The following KIF24 variants were observed in gnomAD, a reference collection of about 807,000 sequenced individuals.
The protein encoded by KIF24 is kinesin family member 24, also known as kinesin-like protein KIF24.
Under a neutral mutation model 118.9 loss-of-function variants are expected in KIF24, and 81 were observed. The ratio of observed to expected loss-of-function variants is 0.68; its 90% CI spans 0.57 to 0.82. The LOEUF (loss-of-function observed/expected upper bound fraction) is 0.82, where lower values mean the gene tolerates loss of function less well. Among genes scored for constraint, KIF24 ranks in the 40% least tolerant of loss-of-function variants. The pLI, the probability that KIF24 is intolerant of heterozygous loss-of-function variation, is 0.00. For missense variants in KIF24, 1,560 were observed against 1,661.6 expected (o/e 0.94, Z 1.06); for synonymous variants, 599 against 610.0 (o/e 0.98, Z 0.27).
At chr9:34,328,329 A>C (rs563241821) in intron 1 of KIF24, among the ~76,000 whole-genome samples, 4 of 152,370 alleles carry the variant, frequency 2.6e-5, no homozygotes, top group South Asian at 4.1e-4. Context: ...AAGAAGCTAA[A>C]GGGAGATAAA....
chr9:34,262,712 A>ATATATATATATATATATG (rs1278590736), intron 9 of KIF24, among the ~76,000 whole-genome samples: 9 of 50,260 alleles, frequency 1.8e-4, no homozygotes, highest in African/African-American at 6.2e-4. Context: ...ATATATATAT[A>ATATATATATATATATATG]TGGCCAGGCA....
At chr9:34,288,848 C>CCACA (rs10537521) in intron 5 of KIF24, among the ~76,000 whole-genome samples, 1,565 of 138,948 alleles carry the variant, frequency 0.011, 16 homozygotes, top group Middle Eastern at 0.018. Context: ...CCCAAATAAA[C>CCACA]CACACACACA....
Position 34,325,359 on chromosome 9 carries a change from A to AAG in KIF24, c.-26+3746_-26+3747insCT, listed in dbSNP as rs1554668007. Among the ~76,000 whole-genome samples, 1,456 of 148,296 alleles carry AAG rather than the reference A, an allele frequency of 9.8e-3. 21 individuals carry two copies. Among genetic ancestry groups the AAG allele is most frequent in the African/African-American group, 0.034 (1,367 of 40,312 alleles). On this transcript the variant is annotated intron_variant, in intron 1 of 12. Transcript: ENST00000402558. ...GACTTCGTCTCAAAAAAAAAAAAAA[A>AAG]GCAATATGTCTTATTAGTCTTTTTA...
At chr9:34,333,078 C>G (rs540165660), upstream of KIF24, among the ~76,000 whole-genome samples, 3 of 152,258 alleles carry the variant, frequency 2.0e-5, no homozygotes, top group East Asian at 3.9e-4. Flanking sequence ...GGCAAATTTT[C>G]TGGACACTAG....
intron 1 of KIF24, among the ~76,000 whole-genome samples, chr9:34,324,950 C>A (rs1017393288): frequency 6.6e-6 from 1 of 152,066 alleles, no homozygotes; most frequent in African/African-American, 2.4e-5. Context: ...TTGCATATCT[C>A]TATTATTACA....
chr9:34,301,496 C>T (rs1836703797), intron 3 of KIF24, among the ~76,000 whole-genome samples: 1 of 152,120 alleles, frequency 6.6e-6, no homozygotes, highest in African/African-American at 2.4e-5. Context: ...GTGATCTGTC[C>T]ACCTCGGACT....
chr9:34,269,422 T>TTTATTA (rs1300456599), intron 7 of KIF24, 60 bp from the exon 8 acceptor site: 8 of 821,214 alleles, frequency 9.7e-6, no homozygotes, highest in Non-Finnish European at 1.3e-5. Context: ...TTATTTTATT[T>TTTATTA]TTATTATTAT....
At chr9:34,325,344 C>CA (rs35972295) in intron 1 of KIF24, among the ~76,000 whole-genome samples, 85,292 of 118,038 alleles carry the variant, frequency 0.72, 30,431 homozygotes, top group East Asian at 0.93. Flanking sequence ...GACTTCGTCT[C>CA]AAAAAAAAAA....
Position 34,255,139 on chromosome 9 carries a change from TC to T in KIF24, c.3898del (p.Glu1300AsnfsTer16), listed in dbSNP as rs1400087525. The T allele has an allele frequency of 2.5e-6, 4 of 1,590,778 alleles. No individual in the cohort carries two copies. The African/African-American group carries it at 5.4e-5, about 21-fold the overall frequency. Reference sequence around the variant, plus strand: ...GAGCTCAGCCATTTCATCCAGCTGTTCCTGGTGTGCTCGGATGACCACCTGC... The same window carrying T: ...GAGCTCAGCCATTTCATCCAGCTGTTCTGGTGTGCTCGGATGACCACCTGC... Reference protein sequence around the residue: ...AQQVVIRAHQEQLDEMAELGF... With the variant: ...AQQVVIRAHQXQLDEMAELGF... On this transcript the variant is annotated frameshift_variant, in exon 12 of 13. Transcript: ENST00000402558. LOFTEE classifies it high-confidence loss of function.
chr9:34,255,217 T>C (rs1421119822), intron 11 of KIF24, 52 bp from the exon 12 acceptor site: 2 of 1,144,564 alleles, frequency 1.7e-6, no homozygotes, highest in Admixed American at 4.1e-5. Context: ...CAGCCTCTCC[T>C]GGGTAGCTTT....
intron 11 of KIF24, among the ~76,000 whole-genome samples, chr9:34,255,369 T>C (rs1015825556): frequency 6.6e-6 from 1 of 152,042 alleles, no homozygotes; most frequent in African/African-American, 2.4e-5. Context: ...ACCAACGAGA[T>C]ACAGGGAGGG....
intron 7 of KIF24, among the ~76,000 whole-genome samples, chr9:34,271,396 C>G (rs1430317677): frequency 6.6e-6 from 1 of 150,942 alleles, no homozygotes; most frequent in Non-Finnish European, 1.5e-5. Flanking sequence ...GCTCATCCAT[C>G]AGTGTGGCAG....
chr9:34,279,312 T>C (rs962727452), intron 6 of KIF24, among the ~76,000 whole-genome samples: 10 of 152,202 alleles, frequency 6.6e-5, no homozygotes, highest in African/African-American at 2.4e-4. Flanking sequence ...TAAGGATACA[T>C]GGCACTGTAA....
intron 4 of KIF24, among the ~76,000 whole-genome samples, chr9:34,295,976 T>C (rs1309219313): frequency 6.7e-6 from 1 of 149,346 alleles, no homozygotes; most frequent in Non-Finnish European, 1.5e-5. Context: ...TCCCAGCACT[T>C]TGGGAGGCCG....
intron 6 of KIF24, among the ~76,000 whole-genome samples, chr9:34,275,970 C>T (rs1445289812): frequency 6.6e-6 from 1 of 152,196 alleles, no homozygotes; most frequent in Non-Finnish European, 1.5e-5. Flanking sequence ...GGAACAAACT[C>T]AGGTTGATTT....
upstream of KIF24, among the ~76,000 whole-genome samples, chr9:34,333,048 C>G (rs1042109952): frequency 6.6e-6 from 1 of 152,110 alleles, no homozygotes; most frequent in Admixed American, 6.5e-5. Flanking sequence ...GGCTTTCCTC[C>G]TCATCTGGAG....
chr9:34,330,129 T>C (rs1306077850), upstream of KIF24, among the ~76,000 whole-genome samples: 2 of 152,070 alleles, frequency 1.3e-5, no homozygotes, highest in East Asian at 1.9e-4. Context: ...GCAGGCCGGG[T>C]GCGGTGGCTC....
At chr9:34,271,692 G>A (rs898377632) in intron 7 of KIF24, 117 bp downstream of exon 7, 6 of 1,047,966 alleles carry the variant, frequency 5.7e-6, no homozygotes, top group Admixed American at 2.5e-5. Context: ...ACTCTACTCT[G>A]TATCCCTGCA....
intron 8 of KIF24, among the ~76,000 whole-genome samples, chr9:34,267,781 T>C (rs1238458667): frequency 2.6e-5 from 4 of 152,220 alleles, no homozygotes; most frequent in Non-Finnish European, 4.4e-5. Flanking sequence ...AAGTGCTCAA[T>C]TGCCACATGT....
Sources: allele counts gnomAD v4.1 joint callset (sites outside exome capture counted in the v4.1 genomes callset), GRCh38; gene constraint gnomAD v4.1.1; transcripts MANE v1.5; gene names NCBI Gene and HGNC (gene_info 2026-07-23, HGNC 2026-07-21).